Variants in CNTLN observed in about 807,000 individuals in gnomAD.
CNTLN encodes the protein centlein, centrosomal protein.
A neutral mutation model predicts 180.0 loss-of-function variants in CNTLN; 212 were observed. That is an observed-to-expected ratio of 1.18 (90% CI 1.05 to 1.32). The LOEUF (loss-of-function observed/expected upper bound fraction) is 1.32. Among genes scored for constraint, CNTLN ranks in the 40% most tolerant of loss-of-function variants. CNTLN has a pLI of 0.00. For missense variants in CNTLN, 2,095 were observed against 1,610.9 expected, an observed-to-expected ratio of 1.30 and a Z score of -5.14; for synonymous variants, 722 against 563.1, an observed-to-expected ratio of 1.28 and a Z score of -3.99.
At chr9:17,240,087 A>C (rs1457862915) in intron 5 of CNTLN, among the ~76,000 whole-genome samples, 1 of 151,558 alleles carries the variant, frequency 6.6e-6, no homozygotes, top group South Asian at 2.1e-4. Context: ...GAATCTTCTG[A>C]TCCATCAACA....
At chr9:17,398,520 A>T (rs554277922) in intron 15 of CNTLN, among the ~76,000 whole-genome samples, 99 of 152,348 alleles carry the variant, frequency 6.5e-4, no homozygotes, top group African/African-American at 2.2e-3. Flanking sequence ...ATTCTGGGAT[A>T]GTATGAAACA....
intron 6 of CNTLN, among the ~76,000 whole-genome samples, chr9:17,283,958 G>A (rs549924679): frequency 1.3e-4 from 20 of 152,226 alleles, no homozygotes; most frequent in African/African-American, 4.8e-4. Context: ...CTTGATCGTG[G>A]TGGATAAGCT....
At chr9:17,508,677 T>C (rs954998735), downstream of CNTLN, among the ~76,000 whole-genome samples, 4 of 152,238 alleles carry the variant, frequency 2.6e-5, no homozygotes, top group African/African-American at 9.6e-5. Context: ...TATAGCCTTT[T>C]GACATTGGCT....
intron 18 of CNTLN, among the ~76,000 whole-genome samples, chr9:17,444,662 T>C (rs1229654476): frequency 6.6e-6 from 1 of 152,146 alleles, no homozygotes; most frequent in Non-Finnish European, 1.5e-5. Context: ...ACTTACCCTC[T>C]TACTAAAGAT....
At chr9:17,525,826 T>C in the CNTLN span, among the ~76,000 whole-genome samples, 1 of 152,222 alleles carries the variant, frequency 6.6e-6, no homozygotes, top group Non-Finnish European at 1.5e-5. Context: ...TTTAAAGACA[T>C]ACAAAACACT....
intron 6 of CNTLN, among the ~76,000 whole-genome samples, chr9:17,284,841 T>C (rs1474205062): frequency 6.6e-6 from 1 of 152,020 alleles, no homozygotes; most frequent in Non-Finnish European, 1.5e-5. Flanking sequence ...TCTTTTAGTT[T>C]TGATGTTAGG....
At chr9:17,213,155 C>A (rs958013497) in intron 2 of CNTLN, among the ~76,000 whole-genome samples, 1 of 152,242 alleles carries the variant, frequency 6.6e-6, no homozygotes, top group Admixed American at 6.5e-5. Context: ...GCTAGGGTGT[C>A]AATTTTAGAT....
the CNTLN span, among the ~76,000 whole-genome samples, chr9:17,511,610 T>C: frequency 6.6e-6 from 1 of 151,564 alleles, no homozygotes; most frequent in Non-Finnish European, 1.5e-5. Flanking sequence ...CACGAGTCTC[T>C]TCAATATGGC....
chr9:17,375,001 A>G (rs997549502), intron 13 of CNTLN, among the ~76,000 whole-genome samples: 2 of 152,238 alleles, frequency 1.3e-5, no homozygotes, highest in African/African-American at 4.8e-5. Flanking sequence ...CATAATAGCC[A>G]AAATTTGGAA....
intron 5 of CNTLN, among the ~76,000 whole-genome samples, chr9:17,258,545 T>C (rs974380968): frequency 6.6e-6 from 1 of 150,866 alleles, no homozygotes; most frequent in African/African-American, 2.5e-5. Context: ...GGGGATGGCA[T>C]TGAATCTGTA....
At chr9:17,464,031 T>G (rs989979896) in intron 20 of CNTLN, among the ~76,000 whole-genome samples, 1 of 151,520 alleles carries the variant, frequency 6.6e-6, no homozygotes, top group African/African-American at 2.4e-5. Context: ...GCTGTGTGGA[T>G]TGAATCTCAA....
At chr9:17,361,122 A>C (rs543233222) in intron 12 of CNTLN, among the ~76,000 whole-genome samples, 1 of 152,062 alleles carries the variant, frequency 6.6e-6, no homozygotes, top group Non-Finnish European at 1.5e-5. Flanking sequence ...CAGGTTTGTT[A>C]CATATGTATA....
At chr9:17,467,960 G>T (rs1831843146) in intron 23 of CNTLN, among the ~76,000 whole-genome samples, 1 of 151,572 alleles carries the variant, frequency 6.6e-6, no homozygotes, top group East Asian at 1.9e-4. Context: ...TTGCGGCACT[G>T]TTAACAATAG....
chr9:17,509,705 T>C, the CNTLN span, among the ~76,000 whole-genome samples: 1 of 152,164 alleles, frequency 6.6e-6, no homozygotes, highest in African/African-American at 2.4e-5. Context: ...CCAGGGTTCA[T>C]GGATCCACAA....
At chr9:17,146,086 A>G (rs941873644) in intron 2 of CNTLN, among the ~76,000 whole-genome samples, 2 of 152,130 alleles carry the variant, frequency 1.3e-5, no homozygotes, top group Non-Finnish European at 2.9e-5. Context: ...TAGGTGCACT[A>G]TTGTAAAATC....
Position 17,143,286 on chromosome 9 carries a change from AG to A in CNTLN, c.361del, listed in dbSNP as rs1818229473. ...ATCTAAATTCTCTTTTATTTCTTTA[AG>A]GCTGATAAAGAATTTGTATGGTCTT... is the stretch of plus-strand genomic sequence containing the variant. On this transcript the variant is annotated splice_acceptor_variant, in intron 1 of 25. Transcript: ENST00000380647. LOFTEE classifies it high-confidence loss of function. The A allele has an allele frequency of 1.2e-6, 2 of 1,606,142 alleles. No individual in the cohort carries two copies. Among genetic ancestry groups the A allele is most frequent in the African/African-American group, 2.7e-5 (2 of 74,698 alleles).
intron 7 of CNTLN, chr9:17,301,978 G>C (rs1818389283): frequency 1.0e-6 from 1 of 968,012 alleles, no homozygotes; most frequent in Non-Finnish European, 1.2e-6. Context: ...TTTTTCTACT[G>C]TTGGTTATAT....
rs144071584 is a variant in CNTLN at position 17,452,800 on chromosome 9, C to T, written c.3115-4724C>T. Among the ~76,000 whole-genome samples the T allele has an allele frequency of 1.3e-3, 193 of 152,042 alleles. 2 individuals are homozygous for T. The highest frequency in any genetic ancestry group is 4.4e-3 in the African/African-American group (182 of 41,448). On this transcript the variant is annotated intron_variant, in intron 18 of 25. Coordinates refer to ENST00000380647, the MANE Select transcript of CNTLN (RefSeq NM_017738.4). ...AAAAAAGCAGTTTGTGAATGAAATCCCATATAAGAAAACAAGGGAAAATAG... is the reference window on the plus strand; with the variant it reads ...AAAAAAGCAGTTTGTGAATGAAATCTCATATAAGAAAACAAGGGAAAATAG...
Position 17,465,047 on chromosome 9 carries a change from A to G in CNTLN, c.3531+424A>G, listed in dbSNP as rs557997478. Among the ~76,000 whole-genome samples the G allele has an allele frequency of 2.1e-3, 318 of 151,116 alleles. 3 individuals carry two copies. Among genetic ancestry groups the G allele is most frequent in the African/African-American group, 6.3e-3 (263 of 41,436 alleles). On this transcript the variant is annotated intron_variant, in intron 21 of 25. Coordinates refer to ENST00000380647, the MANE Select transcript of CNTLN (RefSeq NM_017738.4). ...TACCCTTAATGAATTTTACATGGGA[A>G]TGGAGTTGTACATGCAAAGGGAGTT...
Sources: allele counts gnomAD v4.1 joint callset (sites outside exome capture counted in the v4.1 genomes callset), GRCh38; gene constraint gnomAD v4.1.1; transcripts MANE v1.5; gene names NCBI Gene and HGNC (gene_info 2026-07-23, HGNC 2026-07-21).